ADAM9: variants seen among roughly 807,000 people sequenced by gnomAD.
ADAM9 encodes the protein disintegrin and metalloproteinase domain-containing protein 9.
A neutral mutation model predicts 108.1 loss-of-function variants in ADAM9; 54 were observed. The ratio of observed to expected loss-of-function variants is 0.50; its 90% CI spans 0.40 to 0.63. The LOEUF is 0.63. ADAM9 is among the 20% of genes least tolerant of loss of function. The probability of loss-of-function intolerance (pLI) is 0.00; values close to 1 mark genes in which losing one functional copy is unlikely to be tolerated. For missense variants in ADAM9, 830 were observed against 997.7 expected (o/e 0.83, Z 2.26); for synonymous variants, 316 against 336.0 (o/e 0.94, Z 0.65).
chr8:39,023,851 A>G (rs891567226), intron 9 of ADAM9, among the ~76,000 whole-genome samples: 4 of 149,866 alleles, frequency 2.7e-5, no homozygotes, highest in South Asian at 2.1e-4. Context: ...GGTCGAAGCA[A>G]TTCTCCTGCC....
chr8:39,028,029 A>C (rs1836978713), intron 11 of ADAM9, among the ~76,000 whole-genome samples: 3 of 152,194 alleles, frequency 2.0e-5, no homozygotes, highest in Admixed American at 2.0e-4. Flanking sequence ...TCAAGGCTGC[A>C]GTGAGCTATG....
At chr8:39,076,932 T>C (rs1838865930) in intron 15 of ADAM9, among the ~76,000 whole-genome samples, 2 of 152,226 alleles carry the variant, frequency 1.3e-5, no homozygotes, top group Non-Finnish European at 2.9e-5. Flanking sequence ...GAAACAACTT[T>C]ATTAGTTAGG....
chr8:39,009,904 G>T (rs1455785939), intron 2 of ADAM9, among the ~76,000 whole-genome samples: 42 of 84,086 alleles, frequency 5.0e-4, no homozygotes, highest in African/African-American at 8.8e-4. Context: ...ATGGGGGGGG[G>T]GGGCAGGGAG....
intron 7 of ADAM9, among the ~76,000 whole-genome samples, chr8:39,021,260 C>T (rs921327780): frequency 2.0e-4 from 30 of 152,192 alleles, no homozygotes; most frequent in African/African-American, 7.0e-4. Context: ...TTGGATTCTT[C>T]ATAGTAACAG....
At chr8:39,041,819 G>C in intron 11 of ADAM9, 127 bp from the exon 12 acceptor site, 1 of 803,284 alleles carries the variant, frequency 1.2e-6, no homozygotes, top group South Asian at 1.6e-5. Flanking sequence ...TCTCATTTCT[G>C]TCCACTTTTA....
intron 20 of ADAM9, among the ~76,000 whole-genome samples, chr8:39,098,833 T>G (rs1839591177): frequency 6.6e-6 from 1 of 152,168 alleles, no homozygotes; most frequent in African/African-American, 2.4e-5. Flanking sequence ...CTTTGGAACT[T>G]TATATTGGAA....
intron 11 of ADAM9, among the ~76,000 whole-genome samples, chr8:39,030,620 G>A (rs1290031311): frequency 2.0e-5 from 3 of 152,218 alleles, no homozygotes; most frequent in South Asian, 4.1e-4. Flanking sequence ...CAAGGGATGC[G>A]ATTGCTGGAT....
At chr8:39,019,394 T>C (rs942447553) in intron 7 of ADAM9, among the ~76,000 whole-genome samples, 8 of 152,232 alleles carry the variant, frequency 5.3e-5, no homozygotes, top group Admixed American at 1.3e-4. Context: ...GTGTATAGGA[T>C]CACATGAGGG....
intron 1 of ADAM9, among the ~76,000 whole-genome samples, chr8:38,999,148 A>G (rs1245432209): frequency 6.6e-6 from 1 of 152,202 alleles, no homozygotes. Flanking sequence ...TTTTTGCAGT[A>G]TAAGGTGTTT....
chr8:39,029,265 T>C (rs535922466), intron 11 of ADAM9, among the ~76,000 whole-genome samples: 1 of 150,754 alleles, frequency 6.6e-6, no homozygotes, highest in South Asian at 2.1e-4. Flanking sequence ...CCCATAGGAG[T>C]TGAGGTAGAG....
chr8:39,103,570 C>T (rs780111222), intron 21 of ADAM9, 37 bp from the exon 22 acceptor site: 1 of 1,585,900 alleles, frequency 6.3e-7, no homozygotes. Flanking sequence ...TTCACCCAGT[C>T]TAAACACTCT....
intron 18 of ADAM9, 70 bp downstream of exon 18, chr8:39,083,143 C>T (rs1839074789): frequency 1.9e-6 from 2 of 1,060,302 alleles, no homozygotes; most frequent in Non-Finnish European, 2.9e-6. Context: ...ATCCTCGTAC[C>T]TCTCCCTCAC....
chr8:39,030,596 C>T (rs1021745459), intron 11 of ADAM9, among the ~76,000 whole-genome samples: 10 of 152,166 alleles, frequency 6.6e-5, no homozygotes, highest in Admixed American at 2.6e-4. Context: ...TTTTCAGCTC[C>T]TTTGGGTGAA....
chr8:39,047,768 T>C (rs1291522345), intron 12 of ADAM9, among the ~76,000 whole-genome samples: 1 of 152,136 alleles, frequency 6.6e-6, no homozygotes, highest in Non-Finnish European at 1.5e-5. Context: ...CTTTTTCTAG[T>C]CTCAATTTTG....
At chr8:39,039,794 T>C (rs533179042) in intron 11 of ADAM9, among the ~76,000 whole-genome samples, 1 of 152,330 alleles carries the variant, frequency 6.6e-6, no homozygotes, top group Admixed American at 6.5e-5. Context: ...CTGTTGACAC[T>C]TTGTTTGTTT....
At chr8:39,039,048 A>G (rs1353471142) in intron 11 of ADAM9, among the ~76,000 whole-genome samples, 2 of 152,302 alleles carry the variant, frequency 1.3e-5, no homozygotes, top group East Asian at 3.9e-4. Context: ...AGTACTATCA[A>G]CTTTTCTAGA....
intron 14 of ADAM9, among the ~76,000 whole-genome samples, chr8:39,066,129 G>A (rs1838464024): frequency 6.6e-6 from 1 of 152,126 alleles, no homozygotes; most frequent in Non-Finnish European, 1.5e-5. Context: ...TATGTGCCAC[G>A]TTTTCTTAAT....
intron 15 of ADAM9, among the ~76,000 whole-genome samples, chr8:39,072,089 A>G (rs1436879620): frequency 6.6e-6 from 1 of 152,254 alleles, no homozygotes; most frequent in Non-Finnish European, 1.5e-5. Context: ...CTAGCTTTGT[A>G]TAATTTCAAG....
At chr8:39,081,242 C>T (rs1839016206) in intron 16 of ADAM9, among the ~76,000 whole-genome samples, 1 of 151,568 alleles carries the variant, frequency 6.6e-6, no homozygotes. Flanking sequence ...AGCCACTGCA[C>T]CCGGTCCCCA....
Sources: gnomAD v4.1 joint callset for allele counts (sites outside exome capture counted in the v4.1 genomes callset) on GRCh38, gnomAD v4.1.1 for gene constraint, MANE v1.5 for transcripts, NCBI Gene and HGNC (gene_info 2026-07-23, HGNC 2026-07-21) for gene names.